STARD8: variants seen among roughly 807,000 people sequenced by gnomAD.
STARD8 encodes stAR-related lipid transfer protein 8.
Under a neutral mutation model 69.4 loss-of-function variants are expected in STARD8, and 25 were observed. That is an observed-to-expected ratio of 0.36 (90% CI 0.26 to 0.50). STARD8 has a LOEUF of 0.50. Ranked by LOEUF, STARD8 falls within the 20% of genes least tolerant of loss-of-function variation. The pLI is 0.96. For missense variants in STARD8, 921 were observed against 932.5 expected, an observed-to-expected ratio of 0.99 and a Z score of 0.16; for synonymous variants, 389 against 374.6, an observed-to-expected ratio of 1.04 and a Z score of -0.45.
chrX:68,693,024 G>A (rs1355913372), intron 2 of STARD8, among the ~76,000 whole-genome samples: 1 of 112,960 alleles, frequency 8.9e-6, no homozygotes, highest in Non-Finnish European at 1.9e-5. Context: ...AATTTGAATG[G>A]ACTTTCTGGT....
intron 2 of STARD8, among the ~76,000 whole-genome samples, chrX:68,706,024 TC>T (rs745498449): frequency 2.9e-4 from 33 of 112,301 alleles, no homozygotes; most frequent in Non-Finnish European, 5.1e-4. Context: ...TAGGGGCCCC[TC>T]CTGGGCTGTT....
At chrX:68,652,200 T>C (rs2079552570) in intron 1 of STARD8, among the ~76,000 whole-genome samples, 1 of 110,768 alleles carries the variant, frequency 9.0e-6, no homozygotes, top group Admixed American at 9.6e-5. Flanking sequence ...AGGTGGTCAA[T>C]ACACATGATT....
At chrX:68,648,148 T>C (rs1042126178) in intron 1 of STARD8, among the ~76,000 whole-genome samples, 2 of 112,464 alleles carry the variant, frequency 1.8e-5, no homozygotes, top group African/African-American at 6.5e-5. Flanking sequence ...TAGTTGGCTC[T>C]TTTTAATAAA....
intron 2 of STARD8, among the ~76,000 whole-genome samples, chrX:68,708,139 T>C (rs1008578941): frequency 8.9e-5 from 10 of 112,325 alleles, no homozygotes; most frequent in Admixed American, 7.5e-4. Context: ...CCCGATCAAA[T>C]CTATAAGGTA....
intron 2 of STARD8, among the ~76,000 whole-genome samples, chrX:68,667,028 T>C (rs760507333): frequency 8.9e-6 from 1 of 112,015 alleles, no homozygotes; most frequent in Non-Finnish European, 1.9e-5. Flanking sequence ...TCTGGGAGGG[T>C]GGCTTCCAGA....
intron 2 of STARD8, among the ~76,000 whole-genome samples, chrX:68,704,193 G>T (rs181302493): frequency 4.5e-5 from 5 of 112,130 alleles, no homozygotes; most frequent in Non-Finnish European, 9.4e-5. Flanking sequence ...ATGGAAATGT[G>T]TTAGGGGACT....
In STARD8 at chrX:68,720,384, G is replaced by A. The variant is rs776248537; in HGVS notation, c.2010G>A (p.Gln670=). The change falls in exon 8 of 15, where the codon CAG becomes CAA. Residue 670 remains glutamine, a synonymous_variant. Transcript: ENST00000374599. The stretch of plus-strand genomic sequence containing the variant: ...GCCAGCCACTGCCACAGAGCATTCA[G>A]CAAGCCATGCGCTACTTGCGCAGCC... ...RTGQPLPQSI[Q]QAMRYLRSQC... 7 of 1,199,694 alleles carry A rather than the reference G, an allele frequency of 5.8e-6. No homozygotes were observed. Among genetic ancestry groups the A allele is most frequent in the African/African-American group, 1.7e-5 (1 of 57,735 alleles).
intron 2 of STARD8, among the ~76,000 whole-genome samples, chrX:68,703,536 G>T (rs763524237): frequency 2.7e-5 from 3 of 112,387 alleles, no homozygotes; most frequent in East Asian, 2.8e-4. Flanking sequence ...GGGAGGGGTC[G>T]TGTCTGCTCC....
chrX:68,667,023 G>T (rs1359516270), intron 2 of STARD8, among the ~76,000 whole-genome samples: 2 of 112,256 alleles, frequency 1.8e-5, no homozygotes, highest in African/African-American at 6.5e-5. Context: ...TGAGCTCTGG[G>T]AGGGTGGCTT....
chrX:68,687,233 T>C (rs1341722547), intron 2 of STARD8, among the ~76,000 whole-genome samples: 1 of 110,673 alleles, frequency 9.0e-6, no homozygotes, highest in African/African-American at 3.3e-5. Flanking sequence ...GCAACCCTGG[T>C]AGCACCTTTA....
chrX:68,721,015 G>A lies in STARD8; in HGVS notation c.2141G>A (p.Gly714Asp), dbSNP rs766336012. Residue 714 changes from glycine (G) to aspartate (D), a missense_variant, in exon 9 of 15, where the codon GGC becomes GAC. By Grantham distance (94) the Gly-to-Asp change is moderately conservative (BLOSUM62 -1). Transcript: ENST00000374599. ...TCGCCTGACAATGTCTGCTACGAGG[G>A]CCAGTCAGCCTACGACGTGGCTGAC... is the stretch of plus-strand genomic sequence containing the variant. ...ETSPDNVCYE[G>D]QSAYDVADLL... 1 of 1,211,698 alleles carries A rather than the reference G, an allele frequency of 8.3e-7. No individual in the cohort carries two copies. The highest frequency in any genetic ancestry group is 1.1e-6 in the Non-Finnish European group (1 of 895,444).
intron 7 of STARD8, 134 bp from the exon 8 acceptor site, chrX:68,720,130 G>A (rs928828301): frequency 2.6e-5 from 19 of 736,774 alleles, no homozygotes; most frequent in Non-Finnish European, 3.3e-5. Context: ...CCCAAAACAG[G>A]TGCTCAATGA....
intron 2 of STARD8, among the ~76,000 whole-genome samples, chrX:68,707,585 C>T (rs1287428836): frequency 9.0e-6 from 1 of 111,591 alleles, no homozygotes; most frequent in Non-Finnish European, 1.9e-5. Flanking sequence ...TGGGTGGGGC[C>T]CATTAGTAAA....
chrX:68,690,139 G>A (rs2079865549), intron 2 of STARD8, among the ~76,000 whole-genome samples: 1 of 110,480 alleles, frequency 9.1e-6, no homozygotes, highest in Admixed American at 9.7e-5. Flanking sequence ...CTTCGTTGAG[G>A]CATGCGGGAA....
At position 68,720,992 on chromosome X, in the gene STARD8, G is replaced by A. The variant is rs767735448; in HGVS notation, c.2118G>A (p.Ser706=). 184 of 1,210,008 alleles carry A rather than the reference G, an allele frequency of 1.5e-4. No homozygotes were observed. The South Asian group carries it at 3.0e-3, about 20-fold the overall frequency. Residue 706 remains serine (S), a synonymous_variant, in exon 9 of 15, where the codon TCG becomes TCA. Transcript: ENST00000374599. ...ACCTGCGTCAAATGAATGAGACCTC[G>A]CCTGACAATGTCTGCTACGAGGGCC... The part of the protein sequence containing the change: ...IQNLRQMNET[S]PDNVCYEGQS...
At chrX:68,689,438 G>A (rs1385195034) in intron 2 of STARD8, among the ~76,000 whole-genome samples, 1 of 112,148 alleles carries the variant, frequency 8.9e-6, no homozygotes, top group Non-Finnish European at 1.9e-5. Context: ...CTGAGTGGAT[G>A]CTGGGGCCCA....
At chrX:68,695,858 A>G (rs886198745) in intron 2 of STARD8, among the ~76,000 whole-genome samples, 15 of 111,844 alleles carry the variant, frequency 1.3e-4, no homozygotes, top group Non-Finnish European at 5.6e-5. Flanking sequence ...AGAGGATAGC[A>G]ACAGGGACAC....
chrX:68,649,922 G>T (rs1336745334), intron 1 of STARD8, among the ~76,000 whole-genome samples: 2 of 111,308 alleles, frequency 1.8e-5, no homozygotes, highest in Non-Finnish European at 3.8e-5. Context: ...GGGAGAGGAA[G>T]AAATGATAGA....
In STARD8 at chrX:68,722,587, C is replaced by T. The variant is rs139291119; in HGVS notation, c.2740C>T (p.Arg914Cys). 123 of 1,210,622 alleles carry T rather than the reference C, an allele frequency of 1.0e-4. No individual in the cohort carries two copies. Among genetic ancestry groups the T allele is most frequent in the South Asian group, 3.2e-4 (18 of 56,886 alleles). ...IQDLLRDAAE[R>C]FKGWMSVPGP... ...GGACCTGCTGCGTGATGCTGCTGAG[C>T]GCTTCAAGGGCTGGATGAGCGTGCC... The change falls in exon 12 of 15, where the codon CGC (arginine) becomes TGC (cysteine). Residue 914 changes from arginine (R) to cysteine (C), a missense_variant. Coordinates refer to ENST00000374599, the MANE Select transcript of STARD8 (RefSeq NM_001142503.3).
Sources: allele counts gnomAD v4.1 joint callset (sites outside exome capture counted in the v4.1 genomes callset), GRCh38; gene constraint gnomAD v4.1.1; transcripts MANE v1.5; gene names NCBI Gene and HGNC (gene_info 2026-07-23, HGNC 2026-07-21).